Variants in MET observed in about 807,000 individuals in gnomAD.
The protein encoded by MET is MET proto-oncogene, receptor tyrosine kinase.
A neutral mutation model predicts 133.1 loss-of-function variants in MET; 48 were observed. The ratio of observed to expected loss-of-function variants is 0.36; its 90% CI spans 0.29 to 0.46. The LOEUF (loss-of-function observed/expected upper bound fraction) is 0.46. Among genes scored for constraint, MET ranks in the 20% least tolerant of loss-of-function variants. The pLI is 1.00. For missense variants in MET, 1,442 were observed against 1,695.9 expected, an observed-to-expected ratio of 0.85 and a Z score of 2.63; for synonymous variants, 628 against 616.5, an observed-to-expected ratio of 1.02 and a Z score of -0.28.
At chr7:116,743,080 G>A (rs1317402858) in intron 5 of MET, among the ~76,000 whole-genome samples, 1 of 152,246 alleles carries the variant, frequency 6.6e-6, no homozygotes, top group East Asian at 1.9e-4. Context: ...GCAGCCCACA[G>A]AGGTTGAGCT....
At chr7:116,771,793 T>A in intron 13 of MET, 56 bp from the exon 14 acceptor site, 1 of 1,610,800 alleles carries the variant, frequency 6.2e-7, no homozygotes, top group Non-Finnish European at 8.5e-7. Context: ...GGTCAAAGTC[T>A]CCTGGGGCCC....
chr7:116,724,296 C>T (rs1376666962), intron 2 of MET: 1 of 171,820 alleles, frequency 5.8e-6, no homozygotes, highest in African/African-American at 2.4e-5. Context: ...TTGTGCTTCC[C>T]AAGTGAGGCA....
chr7:116,720,518 C>T (rs1246740315), intron 2 of MET, among the ~76,000 whole-genome samples: 2 of 107,176 alleles, frequency 1.9e-5, no homozygotes, highest in Admixed American at 1.1e-4. Flanking sequence ...ACTTCCAACA[C>T]TATGTTGAAT....
chr7:116,721,895 T>A (rs1333636235), intron 2 of MET, among the ~76,000 whole-genome samples: 2 of 152,144 alleles, frequency 1.3e-5, no homozygotes, highest in African/African-American at 4.8e-5. Context: ...GAGGAGAGCT[T>A]TACTTCCAAG....
Position 116,782,029 on chromosome 7 carries a change from A to C in MET, c.3564A>C (p.Val1188=). 6.2e-7 allele frequency: 1 copy of C among 1,613,986 alleles called. No individual in the cohort carries two copies. ...ATCTTATTGGCTTTGGTCTTCAAGT[A>C]GCCAAAGGCATGAAATATCTTGCAA... The part of the protein sequence containing the change: ...VKDLIGFGLQ[V]AKGMKYLASK... Residue 1188 remains valine, a synonymous_variant, in exon 18 of 21, where the codon GTA becomes GTC. Transcript: ENST00000397752.
intron 2 of MET, among the ~76,000 whole-genome samples, chr7:116,718,907 G>T: frequency 2.1e-5 from 3 of 145,324 alleles, no homozygotes; most frequent in Non-Finnish European, 1.5e-5. Context: ...GGACATTTGG[G>T]TTGGTTCCAA....
chr7:116,721,650 C>T (rs1403468253), intron 2 of MET, among the ~76,000 whole-genome samples: 1 of 152,086 alleles, frequency 6.6e-6, no homozygotes, highest in Admixed American at 6.6e-5. Context: ...CTCCACACTG[C>T]TTTGAATGCG....
At chr7:116,721,747 G>A (rs1345365382) in intron 2 of MET, among the ~76,000 whole-genome samples, 2 of 152,076 alleles carry the variant, frequency 1.3e-5, no homozygotes, top group Admixed American at 6.5e-5. Flanking sequence ...TATGTATCCA[G>A]TAGTCATTCA....
At chr7:116,787,394 TG>T (rs1795347759) in intron 19 of MET, among the ~76,000 whole-genome samples, 1 of 152,118 alleles carries the variant, frequency 6.6e-6, no homozygotes, top group African/African-American at 2.4e-5. Flanking sequence ...TACCACAAAT[TG>T]GGGGATTTAT....
chr7:116,771,680 T>C (rs1338210486), intron 13 of MET, 26 bp downstream of exon 13: 2 of 1,613,078 alleles, frequency 1.2e-6, no homozygotes, highest in Non-Finnish European at 1.7e-6. Flanking sequence ...TGTTCATTTT[T>C]AGAAGTTACC....
intron 5 of MET, among the ~76,000 whole-genome samples, chr7:116,750,707 A>G (rs1175466489): frequency 6.6e-6 from 1 of 152,246 alleles, no homozygotes; most frequent in Admixed American, 6.5e-5. Context: ...TCCAGAATCT[A>G]CAAGGAACTT....
At chr7:116,794,271 A>C (rs1273879606) in intron 19 of MET, among the ~76,000 whole-genome samples, 1 of 152,174 alleles carries the variant, frequency 6.6e-6, no homozygotes, top group East Asian at 1.9e-4. Context: ...TACTTGTTAA[A>C]TTGATTTTAA....
rs2116596541 is a variant in MET, at chr7:116,699,820, C to T, written c.736C>T (p.Pro246Ser). The T allele has an allele frequency of 6.2e-7, 1 of 1,614,054 alleles. No homozygotes were observed. Among genetic ancestry groups the T allele is most frequent in the East Asian group, 2.2e-5 (1 of 44,886 alleles). Residue 246 changes from proline (P) to serine (S), a missense_variant, in exon 2 of 21, where the codon CCC becomes TCC. Pro to Ser is a moderately conservative substitution (Grantham distance 74, BLOSUM62 -1). Coordinates refer to ENST00000397752, the MANE Select transcript of MET (RefSeq NM_000245.4). ...DVLPEFRDSY[P>S]IKYVHAFESN... Reference sequence around the variant, plus strand: ...TTTACCTGAGTTCAGAGATTCTTACCCCATTAAGTATGTCCATGCCTTTGA... The same window carrying T: ...TTTACCTGAGTTCAGAGATTCTTACTCCATTAAGTATGTCCATGCCTTTGA...
chr7:116,782,479 C>T (rs1795186784), intron 18 of MET, among the ~76,000 whole-genome samples: 1 of 152,188 alleles, frequency 6.6e-6, no homozygotes. Context: ...TGCAACTTCC[C>T]AAGAGTGGAT....
chr7:116,772,524 C>T (rs985480005), intron 14 of MET, among the ~76,000 whole-genome samples: 1 of 152,108 alleles, frequency 6.6e-6, no homozygotes, highest in Non-Finnish European at 1.5e-5. Flanking sequence ...AAGGAGGGGT[C>T]AATATCATCA....
chr7:116,734,617 C>G (rs1793143757), intron 3 of MET, among the ~76,000 whole-genome samples: 1 of 152,182 alleles, frequency 6.6e-6, no homozygotes, highest in African/African-American at 2.4e-5. Context: ...GTCTCAATAT[C>G]TGCAGAGCCA....
chr7:116,722,545 G>C (rs1792536826), intron 2 of MET, among the ~76,000 whole-genome samples: 1 of 151,770 alleles, frequency 6.6e-6, no homozygotes, highest in African/African-American at 2.4e-5. Flanking sequence ...TGGTTATTTT[G>C]CTCGTTAGTT....
chr7:116,706,541 T>A (rs1317729018), intron 2 of MET, among the ~76,000 whole-genome samples: 1 of 152,132 alleles, frequency 6.6e-6, no homozygotes, highest in African/African-American at 2.4e-5. Context: ...AATGTATATT[T>A]TTACTCCGAA....
chr7:116,736,473 C>A (rs746760646), intron 3 of MET, among the ~76,000 whole-genome samples: 1 of 152,034 alleles, frequency 6.6e-6, no homozygotes, highest in East Asian at 1.9e-4. Context: ...AAATTTAATT[C>A]TATTAATAAA....
Sources: gnomAD v4.1 joint callset for allele counts (sites outside exome capture counted in the v4.1 genomes callset) on GRCh38, gnomAD v4.1.1 for gene constraint, MANE v1.5 for transcripts, NCBI Gene and HGNC (gene_info 2026-07-23, HGNC 2026-07-21) for gene names.